The following ZNRF3 variants were observed in gnomAD, a reference collection of about 807,000 sequenced individuals.
ZNRF3 encodes zinc and ring finger 3, also known as E3 ubiquitin-protein ligase ZNRF3.
A neutral mutation model predicts 72.5 loss-of-function variants in ZNRF3; 23 were observed. The observed-to-expected ratio is 0.32, with a 90% CI of 0.23 to 0.45. The LOEUF (loss-of-function observed/expected upper bound fraction) is 0.45, where lower values mean the gene tolerates loss of function less well. Ranked by LOEUF, ZNRF3 falls within the 20% of genes least tolerant of loss-of-function variation. The probability of loss-of-function intolerance (pLI) is 1.00; values close to 1 mark genes in which losing one functional copy is unlikely to be tolerated. For synonymous variants in ZNRF3, 610 were observed against 545.3 expected (o/e 1.12, Z -1.65); for missense variants, 1,169 against 1,272.1 (o/e 0.92, Z 1.23).
intron 1 of ZNRF3, among the ~76,000 whole-genome samples, chr22:28,950,111 G>C (rs992583840): frequency 5.9e-5 from 9 of 152,194 alleles, no homozygotes; most frequent in African/African-American, 2.2e-4. Flanking sequence ...TGTCACTGCT[G>C]TAATTCTTGC....
chr22:28,897,081 C>G (rs2034011828), intron 1 of ZNRF3, among the ~76,000 whole-genome samples: 1 of 152,188 alleles, frequency 6.6e-6, no homozygotes, highest in Non-Finnish European at 1.5e-5. Flanking sequence ...CTCACATTCT[C>G]TTTCTTCCCA....
chr22:28,954,644 CTT>C (rs373560147), intron 1 of ZNRF3, among the ~76,000 whole-genome samples: 1 of 149,582 alleles, frequency 6.7e-6, no homozygotes, highest in Non-Finnish European at 1.5e-5. Context: ...ATTAGAATGT[CTT>C]TTTTTTTTGA....
intron 1 of ZNRF3, chr22:28,986,664 G>GAAGT (rs1300614429): frequency 1.0e-6 from 1 of 985,122 alleles, no homozygotes; most frequent in African/African-American, 1.7e-5. Context: ...ACATGTTGTT[G>GAAGT]AAGTCTAGAA....
Position 29,054,073 on chromosome 22 carries a change from AAGGG to A in ZNRF3, c.*454_*457del, listed in dbSNP as rs1407387162. ...ATGTGTAGATACTGTTGTCTCCCTG[AAGGG>A]AGCTCAGGCCTTTGAAAAGCTCAGG... On this transcript the variant is annotated 3_prime_UTR_variant, in exon 9 of 9. Transcript: ENST00000544604. The A allele has an allele frequency of 6.5e-6, 1 of 153,000 alleles. No homozygotes were observed. The highest frequency in any genetic ancestry group is 1.5e-5 in the Non-Finnish European group (1 of 68,648). The allele number at this position is 153,000 out of a possible 1,614,324, so 9.5% of individuals were successfully genotyped here.
At chr22:29,041,067 T>C (rs548852096) in intron 2 of ZNRF3, among the ~76,000 whole-genome samples, 2 of 152,354 alleles carry the variant, frequency 1.3e-5, no homozygotes, top group South Asian at 4.1e-4. Context: ...GGGTTTGCCT[T>C]CTATACATAC....
At chr22:29,015,323 G>C (rs1345571867) in intron 2 of ZNRF3, among the ~76,000 whole-genome samples, 2 of 152,192 alleles carry the variant, frequency 1.3e-5, no homozygotes, top group Non-Finnish European at 2.9e-5. Context: ...TGTAGCCTAA[G>C]AAGTCCAAAG....
intron 8 of ZNRF3, among the ~76,000 whole-genome samples, chr22:29,051,391 T>G (rs560440655): frequency 1.2e-4 from 19 of 152,110 alleles, no homozygotes; most frequent in Non-Finnish European, 2.6e-4. Context: ...GGTTCATGAC[T>G]CCTCATGGCT....
At position 29,044,802 on chromosome 22, in the gene ZNRF3, T is replaced by C; in HGVS notation, c.656T>C (p.Met219Thr). The change falls in exon 5 of 9, where the codon ATG becomes ACG. Residue 219 changes from methionine to threonine, a missense_variant. Physicochemically the swap from Met to Thr is moderately conservative, Grantham distance 81. Around this residue, in one of 2 missense-constraint regions of ZNRF3, gnomAD observed 386 missense variants for 540.7 expected, o/e 0.71. Transcript: ENST00000544604. ...PPRQPTEYFD[M>T]GIFLAFFVVV... ...CAGCAACCCACTGAATACTTTGACATGGGGATTTTCCTGGCTTTCTTCGTC... is the reference window on the plus strand; with the variant it reads ...CAGCAACCCACTGAATACTTTGACACGGGGATTTTCCTGGCTTTCTTCGTC... The C allele has an allele frequency of 6.2e-7, 1 of 1,614,130 alleles. No homozygotes were observed.
chr22:28,999,648 A>G lies in ZNRF3; in HGVS notation c.426+12447A>G, dbSNP rs373453425. On this transcript the variant is annotated intron_variant, in intron 2 of 8. Transcript: ENST00000544604. Reference sequence around the variant, plus strand: ...GCCTCATATACATCTGGCCATGCACATACGTTATGCCAGCCACAACAGTGG... The same window carrying G: ...GCCTCATATACATCTGGCCATGCACGTACGTTATGCCAGCCACAACAGTGG... Among the ~76,000 whole-genome samples the G allele has an allele frequency of 1.8e-4, 27 of 152,334 alleles. No individual in the cohort carries two copies. The East Asian group carries it at 5.0e-3, about 28-fold the overall frequency.
chr22:29,001,680 C>T (rs2036152023), intron 2 of ZNRF3, among the ~76,000 whole-genome samples: 3 of 152,080 alleles, frequency 2.0e-5, no homozygotes, highest in Non-Finnish European at 4.4e-5. Flanking sequence ...GCCTTGTTGG[C>T]CAGGCTGGTC....
rs534481386 is a variant in ZNRF3 at position 29,045,780 on chromosome 22, AG to A, written c.744+892del. Among the ~76,000 whole-genome samples the A allele has an allele frequency of 3.7e-3, 567 of 152,354 alleles. 1 individual carries two copies. Among genetic ancestry groups the A allele is most frequent in the Non-Finnish European group, 6.5e-3 (444 of 68,034 alleles). ...GCGTGAGCCACCACGCCCGTCCCAA[AG>A]GAAGTGTTTAAGTCAACGTTAATAA... On this transcript the variant is annotated intron_variant, in intron 5 of 8. Transcript: ENST00000544604.
chr22:29,009,104 G>C (rs531884588), intron 2 of ZNRF3, among the ~76,000 whole-genome samples: 1 of 152,286 alleles, frequency 6.6e-6, no homozygotes, highest in South Asian at 2.1e-4. Flanking sequence ...AGGGAATCAG[G>C]ACAGGATCCT....
intron 1 of ZNRF3, among the ~76,000 whole-genome samples, chr22:28,940,496 C>CTTTTTTTTTTTT (rs575819283): frequency 2.2e-5 from 3 of 138,240 alleles, no homozygotes; most frequent in African/African-American, 2.7e-5. Context: ...TAGGTTTCTG[C>CTTTTTTTTTTTT]TTTTTTTTTT....
At chr22:28,987,007 A>G in intron 1 of ZNRF3, 69 bp from the exon 2 acceptor site, 3 of 1,539,252 alleles carry the variant, frequency 1.9e-6, no homozygotes, top group Non-Finnish European at 2.6e-6. Flanking sequence ...GCATCTGAGA[A>G]ATACACAATA....
At chr22:28,938,255 CTT>C (rs879930720) in intron 1 of ZNRF3, among the ~76,000 whole-genome samples, 1 of 146,408 alleles carries the variant, frequency 6.8e-6, no homozygotes, top group Non-Finnish European at 1.5e-5. Flanking sequence ...GTCTTGAAAG[CTT>C]TTTTTTTTCA....
Position 29,048,280 on chromosome 22 carries a change from G to A in ZNRF3, c.913-109G>A. 2 of 796,044 alleles carry A rather than the reference G, an allele frequency of 2.5e-6. No homozygotes were observed. The highest frequency in any genetic ancestry group is 3.6e-5 in the South Asian group (2 of 54,970). 49.3% of individuals were successfully genotyped at this position (796,044 alleles called of 1,614,324 possible). ...TAATTGGAGGTGGGGAGGAGAGTAG[G>A]GAAGGGCACGGGCATGCTGTGCAGA... On this transcript the variant is annotated intron_variant, in intron 6 of 8. Transcript: ENST00000544604. The surrounding 1 kb of genome is among the most constrained non-coding windows in gnomAD (Gnocchi z 4.9).
At chr22:28,993,080 A>C (rs1456190427) in intron 2 of ZNRF3, 1 of 152,232 alleles carries the variant, frequency 6.6e-6, no homozygotes, top group African/African-American at 2.4e-5. Flanking sequence ...TCATTCTCTA[A>C]AGAGCTGGGA....
chr22:28,984,001 T>G (rs1422929772), intron 1 of ZNRF3, among the ~76,000 whole-genome samples: 1 of 151,992 alleles, frequency 6.6e-6, no homozygotes. Context: ...TGGAATTCAC[T>G]TAGGCTCTGG....
rs190809243 is a variant in ZNRF3 at position 29,007,671 on chromosome 22, C to G, written c.426+20470C>G. 4.6e-5 allele frequency among the ~76,000 whole-genome samples: 7 copies of G among 151,392 alleles called. 1 individual carries two copies. In the East Asian group the frequency reaches 1.4e-3, roughly 29 times the overall value. ...CTATAGCTTTTAATTTGCTCCTGAT[C>G]GTTCCCTTTTGTAATATTTTTATCA... is the stretch of plus-strand genomic sequence containing the variant. On this transcript the variant is annotated intron_variant, in intron 2 of 8. Coordinates refer to ENST00000544604, the MANE Select transcript of ZNRF3 (RefSeq NM_001206998.2).
Sources: allele counts gnomAD v4.1 joint callset (sites outside exome capture counted in the v4.1 genomes callset), GRCh38; gene constraint gnomAD v4.1.1; regional missense constraint gnomAD v4.1.1; non-coding constraint Gnocchi (gnomAD v3.1); transcripts MANE v1.5; gene names NCBI Gene and HGNC (gene_info 2026-07-23, HGNC 2026-07-21).